Variants in DLG2 observed in about 807,000 individuals in gnomAD.
The protein encoded by DLG2 is disks large homolog 2.
In DLG2, 45 loss-of-function variants were observed where a neutral mutation model predicts 132.5. The ratio of observed to expected loss-of-function variants is 0.34; its 90% CI spans 0.27 to 0.44. The LOEUF (loss-of-function observed/expected upper bound fraction) is 0.44. DLG2 is among the 20% of genes least tolerant of loss of function. The probability of loss-of-function intolerance (pLI) is 1.00; values close to 1 mark genes in which losing one functional copy is unlikely to be tolerated. For synonymous variants in DLG2, 424 were observed against 419.6 expected (o/e 1.01, Z -0.13); for missense variants, 1,045 against 1,196.9 (o/e 0.87, Z 1.87).
intron 7 of DLG2, among the ~76,000 whole-genome samples, chr11:84,426,534 T>C (rs1478276755): frequency 2.0e-5 from 3 of 152,290 alleles, no homozygotes; most frequent in South Asian, 4.1e-4. Context: ...AGGGCCATTG[T>C]GAATATTGCT....
chr11:83,849,163 C>G (rs532842547), intron 16 of DLG2, among the ~76,000 whole-genome samples: 1 of 152,198 alleles, frequency 6.6e-6, no homozygotes, highest in African/African-American at 2.4e-5. Context: ...GGTCAATTTA[C>G]TTCATCTTGT....
At chr11:83,731,415 G>A (rs1290046895) in intron 18 of DLG2, among the ~76,000 whole-genome samples, 1 of 152,170 alleles carries the variant, frequency 6.6e-6, no homozygotes, top group Non-Finnish European at 1.5e-5. Flanking sequence ...GTGTTAGTTT[G>A]CTGAGGATGG....
rs533306091 is a variant in DLG2 at position 84,527,369 on chromosome 11, TC to T, written c.519+7200del. Among the ~76,000 whole-genome samples the T allele has an allele frequency of 3.9e-5, 6 of 152,200 alleles. No homozygotes were observed. In the South Asian group the frequency reaches 1.2e-3, roughly 31 times the overall value. The stretch of plus-strand genomic sequence containing the variant: ...AATAGTATAAAAATACACATTGTTA[TC>T]CTTTGTCTATAGTTTTTTTATTGGC... On this transcript the variant is annotated intron_variant, in intron 7 of 27. Transcript: ENST00000376104.
At chr11:85,627,054 T>G (rs528614793) in intron 1 of DLG2, among the ~76,000 whole-genome samples, 164 bp downstream of exon 1, 1 of 152,214 alleles carries the variant, frequency 6.6e-6, no homozygotes, top group African/African-American at 2.4e-5. Context: ...ATAAAGATAC[T>G]CAAATCTGTA....
intron 6 of DLG2, among the ~76,000 whole-genome samples, chr11:84,685,161 G>A (rs748607262): frequency 5.9e-5 from 9 of 152,174 alleles, no homozygotes; most frequent in Non-Finnish European, 1.3e-4. Flanking sequence ...CAGAGCCAGG[G>A]CTATAATTCC....
chr11:85,460,167 C>A (rs940099370), intron 3 of DLG2, among the ~76,000 whole-genome samples: 1 of 152,198 alleles, frequency 6.6e-6, no homozygotes, highest in African/African-American at 2.4e-5. Flanking sequence ...CTGGAGTCCA[C>A]TGCTGCTCAG....
At chr11:84,259,169 G>A (rs1052557817) in intron 7 of DLG2, among the ~76,000 whole-genome samples, 2 of 151,862 alleles carry the variant, frequency 1.3e-5, no homozygotes, top group Admixed American at 6.6e-5. Context: ...TACTTGGGAG[G>A]CTGAGGCAGG....
intron 3 of DLG2, among the ~76,000 whole-genome samples, chr11:85,527,278 A>G (rs1270699116): frequency 6.6e-6 from 1 of 151,250 alleles, no homozygotes; most frequent in Admixed American, 6.6e-5. Context: ...TGCTGCACCT[A>G]TCGACCCATC....
rs1302715232 is a variant in DLG2 at position 83,874,241 on chromosome 11, A to AGGG, written c.1565+178_1565+179insCCC. On this transcript the variant is annotated intron_variant, in intron 16 of 27. Transcript: ENST00000376104. Reference sequence around the variant, plus strand: ...AAAAAGAAAGAAAGAAAGACAAAGAAAGAAGGGAAGGAAGGAAGGAAAGAA... The same window carrying AGGG: ...AAAAAGAAAGAAAGAAAGACAAAGAAGGGAGAAGGGAAGGAAGGAAGGAAAGAA... Among the ~76,000 whole-genome samples the AGGG allele has an allele frequency of 1.0e-4, 15 of 149,654 alleles. No homozygotes were observed. In the South Asian group the frequency reaches 2.2e-3, roughly 22 times the overall value.
intron 19 of DLG2, among the ~76,000 whole-genome samples, chr11:83,591,365 A>C (rs1178560613): frequency 8.6e-6 from 1 of 116,638 alleles, no homozygotes; most frequent in African/African-American, 3.4e-5. Context: ...GTAATCCAGC[A>C]TATAAACAGA....
intron 6 of DLG2, among the ~76,000 whole-genome samples, chr11:84,865,475 G>A (rs550932431): frequency 6.6e-6 from 1 of 152,284 alleles, no homozygotes; most frequent in Non-Finnish European, 1.5e-5. Flanking sequence ...ATGTCCATCA[G>A]TGACTCAGAA....
At chr11:85,290,777 A>C (rs1042097791) in intron 3 of DLG2, among the ~76,000 whole-genome samples, 1 of 152,108 alleles carries the variant, frequency 6.6e-6, no homozygotes, top group Admixed American at 6.5e-5. Flanking sequence ...GCCCCTATTC[A>C]GTCCAATCTC....
chr11:85,414,265 C>T (rs532892211), intron 3 of DLG2, among the ~76,000 whole-genome samples: 102 of 152,104 alleles, frequency 6.7e-4, no homozygotes, highest in Non-Finnish European at 1.9e-4. Context: ...TGAAACTTTG[C>T]TAAATTCTTT....
intron 7 of DLG2, among the ~76,000 whole-genome samples, chr11:84,266,467 T>C (rs2097637015): frequency 6.6e-6 from 1 of 152,192 alleles, no homozygotes; most frequent in South Asian, 2.1e-4. Context: ...ATTCCATTAA[T>C]AGCCTTGTTC....
intron 6 of DLG2, among the ~76,000 whole-genome samples, chr11:84,854,235 A>C (rs761261595): frequency 3.3e-5 from 5 of 150,738 alleles, no homozygotes; most frequent in Non-Finnish European, 7.4e-5. Flanking sequence ...CCCTCTTACA[A>C]TCTCTTGTTA....
chr11:85,014,049 T>C (rs150151039), intron 6 of DLG2, among the ~76,000 whole-genome samples: 20 of 152,328 alleles, frequency 1.3e-4, no homozygotes, highest in African/African-American at 4.1e-4. Context: ...AGGACTCCAA[T>C]ATCAAGAAAT....
chr11:83,633,984 C>T (rs1053782056), intron 18 of DLG2, among the ~76,000 whole-genome samples: 1 of 151,472 alleles, frequency 6.6e-6, no homozygotes, highest in Admixed American at 6.6e-5. Flanking sequence ...CAAAAAAAAA[C>T]TCCATGGGAA....
At chr11:83,645,551 A>C (rs2067916275) in intron 18 of DLG2, among the ~76,000 whole-genome samples, 1 of 152,168 alleles carries the variant, frequency 6.6e-6, no homozygotes, top group Non-Finnish European at 1.5e-5. Context: ...ATGCATAAAT[A>C]AATAAAAATC....
intron 7 of DLG2, among the ~76,000 whole-genome samples, chr11:84,388,669 A>G (rs2098780937): frequency 1.3e-5 from 2 of 151,984 alleles, no homozygotes; most frequent in Admixed American, 1.3e-4. Flanking sequence ...CAAATGGGAG[A>G]AAACCTCAAA....
Sources: gnomAD v4.1 joint callset for allele counts (sites outside exome capture counted in the v4.1 genomes callset) on GRCh38, gnomAD v4.1.1 for gene constraint, MANE v1.5 for transcripts, NCBI Gene and HGNC (gene_info 2026-07-23, HGNC 2026-07-21) for gene names.